Variants in RAB34 observed in about 807,000 individuals in gnomAD.
RAB34 encodes the protein ras-related protein Rab-34.
In RAB34, 33 loss-of-function variants were observed where a neutral mutation model predicts 39.0. The ratio of observed to expected loss-of-function variants is 0.85; its 90% confidence interval spans 0.64 to 1.13. RAB34 has a LOEUF of 1.13. Ranked by LOEUF, RAB34 falls within the 50% of genes most tolerant of loss-of-function variation. The pLI, the probability that RAB34 is intolerant of heterozygous loss-of-function variation, is 0.00. For missense variants in RAB34, 289 were observed against 326.1 expected (o/e 0.89, Z 0.88); for synonymous variants, 135 against 125.1 (o/e 1.08, Z -0.53).
At position 28,717,350 on chromosome 17, in the gene RAB34, A is replaced by G; in HGVS notation, c.-84T>C. 13 of 1,534,232 alleles carry G rather than the reference A, an allele frequency of 8.5e-6. No homozygotes were observed. The highest frequency in any genetic ancestry group is 1.2e-5 in the South Asian group (1 of 84,226). Reference sequence around the variant, plus strand: ...GACCCGGGCGCGTGGAGACCCGACGATCACCCGCGGCCGGGGTGTCCCGAC... The same window carrying G: ...GACCCGGGCGCGTGGAGACCCGACGGTCACCCGCGGCCGGGGTGTCCCGAC... On this transcript the variant is annotated 5_prime_UTR_variant, in exon 1 of 10. Coordinates refer to ENST00000395245, the MANE Select transcript of RAB34 (RefSeq NM_031934.6).
At position 28,717,854 on chromosome 17, in the gene RAB34, C is replaced by G; in HGVS notation, c.-588G>C. 1 of 1,348,124 alleles carries G rather than the reference C, an allele frequency of 7.4e-7. No homozygotes were observed. Among genetic ancestry groups the G allele is most frequent in the Non-Finnish European group, 9.5e-7 (1 of 1,057,608 alleles). 83.5% of individuals were successfully genotyped at this position (1,348,124 alleles called of 1,614,324 possible). A position where few individuals can be genotyped will look rare whatever the true frequency, so the allele number is the denominator to read the frequency against. On this transcript the variant is annotated 5_prime_UTR_variant, in exon 1 of 10. Coordinates refer to ENST00000395245, the MANE Select transcript of RAB34 (RefSeq NM_031934.6). ...GGCCTCGAGTCCCACTCCGCTCGGG[C>G]TCCGCCAACGCTGTAACACGATCCC...
Position 28,714,829 on chromosome 17 carries a change from C to G in RAB34, c.676G>C (p.Glu226Gln). The part of the protein sequence containing the change: ...TFEANVLAEL[E>Q]KSGARRIGDV... ...CCAATGCGTCGAGCCCCCGATTTCT[C>G]CAGCTCAGCCAGCACATTGGCCTCA... Residue 226 changes from glutamate to glutamine, a missense_variant, in exon 9 of 10, where the codon GAG becomes CAG. Glu to Gln is a conservative substitution (Grantham distance 29). Coordinates refer to ENST00000395245, the MANE Select transcript of RAB34 (RefSeq NM_031934.6). 1 of 1,614,180 alleles carries G rather than the reference C, an allele frequency of 6.2e-7. No homozygotes were observed. Among genetic ancestry groups the G allele is most frequent in the Non-Finnish European group, 8.5e-7 (1 of 1,180,040 alleles).
At chr17:28,717,180 T>C (rs1169337157) in intron 1 of RAB34, 33 bp downstream of exon 1, 3 of 1,583,108 alleles carry the variant, frequency 1.9e-6, no homozygotes, top group Admixed American at 3.5e-5. Flanking sequence ...CCCCGGGCTG[T>C]AGACTGAAGC....
rs140500150 is a variant in RAB34 at position 28,716,962 on chromosome 17, G to A, written c.87C>T (p.His29=). 1.5e-3 allele frequency: 2,420 copies of A among 1,613,680 alleles called. 6 individuals carry two copies. Among genetic ancestry groups the A allele is most frequent in the Admixed American group, 2.3e-3 (136 of 60,018 alleles). Residue 29 remains histidine, a synonymous_variant, in exon 2 of 10, where the codon CAC becomes CAT. Coordinates refer to ENST00000395245, the MANE Select transcript of RAB34 (RefSeq NM_031934.6). The part of the protein sequence containing the change: ...CLRKEAALHG[H]KDFHPRVTCA... ...AGGTGACGCGGGGGTGGAAGTCTTT[G>A]TGCCCGTGCAAAGCGGCCTCCTTCC... is the stretch of plus-strand genomic sequence containing the variant.
Position 28,714,867 on chromosome 17 carries a change from G to C in RAB34, c.638C>G (p.Ala213Gly), listed in dbSNP as rs377233779. The change falls in exon 9 of 10, where the codon GCA becomes GGA. Residue 213 changes from alanine to glycine, a missense_variant. Physicochemically the swap from Ala to Gly is moderately conservative, Grantham distance 60 (BLOSUM62 0). Coordinates refer to ENST00000395245, the MANE Select transcript of RAB34 (RefSeq NM_031934.6). ...CACATTGGCCTCAAAGGTCAGTGCT[G>C]CCACACGGAAGAAGAATTCTCGGAC... ...ENVREFFFRV[A>G]ALTFEANVLA... is the part of the protein sequence containing the mutation. 49 of 1,614,006 alleles carry C rather than the reference G, an allele frequency of 3.0e-5. No individual in the cohort carries two copies. The highest frequency in any genetic ancestry group is 4.0e-5 in the Non-Finnish European group (47 of 1,180,028).
At chr17:28,718,021 G>C, upstream of RAB34, 1 of 1,144,582 alleles carries the variant, frequency 8.7e-7, no homozygotes, top group Non-Finnish European at 1.1e-6. Flanking sequence ...CCGGGCACCA[G>C]GACCGCCCCG....
chr17:28,716,246 G>A (rs1327707068), intron 2 of RAB34, 188 bp from the exon 3 acceptor site: 22 of 689,496 alleles, frequency 3.2e-5, no homozygotes. Context: ...TCCAGAAGCA[G>A]AGAGACATGA....
chr17:28,715,299 A>C lies in RAB34; in HGVS notation c.432-23T>G. The C allele has an allele frequency of 6.2e-7, 1 of 1,608,964 alleles. No individual in the cohort carries two copies. Among genetic ancestry groups the C allele is most frequent in the Non-Finnish European group, 8.5e-7 (1 of 1,177,364 alleles). ...TGCCTGCCATGGGAGGTGGAAAGTA[A>C]GGGATGAGTGAGTCTGCAGGGCCCC... is the stretch of plus-strand genomic sequence containing the variant. On this transcript the variant is annotated intron_variant, in intron 6 of 9. Transcript: ENST00000395245.
Position 28,716,958 on chromosome 17 carries a change from C to G in RAB34, c.91G>C (p.Asp31His). The change falls in exon 2 of 10, where the codon GAC becomes CAC. Residue 31 changes from aspartate (D) to histidine (H), a missense_variant. Coordinates refer to ENST00000395245, the MANE Select transcript of RAB34 (RefSeq NM_031934.6). ...GCGCAGGTGACGCGGGGGTGGAAGT[C>G]TTTGTGCCCGTGCAAAGCGGCCTCC... ...RKEAALHGHK[D>H]FHPRVTCACQ... The G allele has an allele frequency of 6.8e-6, 11 of 1,613,664 alleles. No homozygotes were observed. Among genetic ancestry groups the G allele is most frequent in the Non-Finnish European group, 9.3e-6 (11 of 1,179,934 alleles).
chr17:28,714,951 A>T (rs1352761093), intron 8 of RAB34, 51 bp from the exon 9 acceptor site: 7 of 1,595,244 alleles, frequency 4.4e-6, no homozygotes, highest in Non-Finnish European at 6.0e-6. Flanking sequence ...GTCTGGGGAC[A>T]CAGGGCACAG....
In RAB34 at chr17:28,715,180, C is replaced by T; in HGVS notation, c.513+15G>A. On this transcript the variant is annotated intron_variant, in intron 7 of 9. Coordinates refer to ENST00000395245, the MANE Select transcript of RAB34 (RefSeq NM_031934.6). ...CCCTCACCAAGCTGGGAAGTCCCCCCACTGGCACACTCACACTCAGATCCT... is the reference window on the plus strand; with the variant it reads ...CCCTCACCAAGCTGGGAAGTCCCCCTACTGGCACACTCACACTCAGATCCT... 6.2e-7 allele frequency: 1 copy of T among 1,613,964 alleles called. No individual in the cohort carries two copies. The highest frequency in any genetic ancestry group is 8.5e-7 in the Non-Finnish European group (1 of 1,179,862).
chr17:28,717,910 C>A, upstream of RAB34: 1 of 1,352,134 alleles, frequency 7.4e-7, no homozygotes, highest in Non-Finnish European at 9.4e-7. Flanking sequence ...CCGCCCCCCG[C>A]CCCTCTCCTG....
chr17:28,718,198 A>C, upstream of RAB34: 2 of 1,606,154 alleles, frequency 1.2e-6, no homozygotes, highest in Non-Finnish European at 1.7e-6. Context: ...GGGAGGGGAA[A>C]GGGGGAGAGA....
At position 28,717,244 on chromosome 17, in the gene RAB34, CG is replaced by C. The variant is rs1244378225; in HGVS notation, c.22del (p.Arg8GlyfsTer13). On this transcript the variant is annotated frameshift_variant, in exon 1 of 10. Transcript: ENST00000395245. LOFTEE classifies it high-confidence loss of function. MNILAPV[R>X]RDRVLAELPQ... The stretch of plus-strand genomic sequence containing the variant: ...CAGCTCCGCCAGGACGCGATCCCTC[CG>C]CACGGGTGCCAGAATGTTCATCCTG... The C allele has an allele frequency of 3.7e-6, 6 of 1,606,194 alleles. No homozygotes were observed. Among genetic ancestry groups the C allele is most frequent in the Non-Finnish European group, 5.1e-6 (6 of 1,178,650 alleles).
rs1224294566 is a variant in RAB34, at chr17:28,717,712, A to AGAGCGGCCCGGGGGCGCG, written c.-464_-447dup. ...GGGGCTGAGGCTGCCCTACCATTAC[A>AGAGCGGCCCGGGGGCGCG]GAGCGGCCCGGGGGCGCGGAGCGGC... is the stretch of plus-strand genomic sequence containing the variant. On this transcript the variant is annotated 5_prime_UTR_variant, in exon 1 of 10. Coordinates refer to ENST00000395245, the MANE Select transcript of RAB34 (RefSeq NM_031934.6). The AGAGCGGCCCGGGGGCGCG allele has an allele frequency of 2.2e-5, 29 of 1,341,442 alleles. No homozygotes were observed. In the East Asian group the frequency reaches 3.6e-4, roughly 17 times the overall value. 83.1% of individuals were successfully genotyped at this position (1,341,442 alleles called of 1,614,324 possible).
Position 28,717,681 on chromosome 17 carries a change from C to T in RAB34, c.-415G>A, listed in dbSNP as rs930995345. 3 of 1,361,954 alleles carry T rather than the reference C, an allele frequency of 2.2e-6. No individual in the cohort carries two copies. The highest frequency in any genetic ancestry group is 2.8e-6 in the Non-Finnish European group (3 of 1,062,680). 84.4% of individuals were successfully genotyped at this position (1,361,954 alleles called of 1,614,324 possible). A position where few individuals can be genotyped will look rare whatever the true frequency, so the allele number is the denominator to read the frequency against. Reference sequence around the variant, plus strand: ...ACCCGGGGCCGCGGAGACCCGACGTCATCTCGGGGCTGAGGCTGCCCTACC... The same window carrying T: ...ACCCGGGGCCGCGGAGACCCGACGTTATCTCGGGGCTGAGGCTGCCCTACC... On this transcript the variant is annotated 5_prime_UTR_variant, in exon 1 of 10. An upstream start codon of the reference 5' UTR is lost. Coordinates refer to ENST00000395245, the MANE Select transcript of RAB34 (RefSeq NM_031934.6).
Position 28,717,224 on chromosome 17 carries a change from C to G in RAB34, c.43G>C (p.Glu15Gln). The G allele has an allele frequency of 6.2e-7, 1 of 1,604,876 alleles. No individual in the cohort carries two copies. The highest frequency in any genetic ancestry group is 1.3e-5 in the African/African-American group (1 of 74,918). The part of the protein sequence containing the change: ...APVRRDRVLA[E>Q]LPQCLRKEAA... ...GCCCCGGCGCCTACCTGGGGCAGCT[C>G]CGCCAGGACGCGATCCCTCCGCACG... is the stretch of plus-strand genomic sequence containing the variant. The change falls in exon 1 of 10, where the codon GAG becomes CAG. Residue 15 changes from glutamate (E) to glutamine (Q), a missense_variant. Glu to Gln is a conservative substitution (Grantham distance 29). Transcript: ENST00000395245.
At chr17:28,718,310 G>T, upstream of RAB34, 1 of 1,507,592 alleles carries the variant, frequency 6.6e-7, no homozygotes, top group Non-Finnish European at 8.9e-7. Flanking sequence ...GAGGTCGGGG[G>T]TGAGGATGGT....
Position 28,717,681 on chromosome 17 carries a change from C to G in RAB34, c.-415G>C, listed in dbSNP as rs930995345. On this transcript the variant is annotated 5_prime_UTR_variant, in exon 1 of 10. The change abolishes an upstream ATG in the 5' untranslated region. Coordinates refer to ENST00000395245, the MANE Select transcript of RAB34 (RefSeq NM_031934.6). ...ACCCGGGGCCGCGGAGACCCGACGT[C>G]ATCTCGGGGCTGAGGCTGCCCTACC... The G allele has an allele frequency of 4.3e-5, 59 of 1,361,836 alleles. No individual in the cohort carries two copies. Among genetic ancestry groups the G allele is most frequent in the Non-Finnish European group, 5.5e-5 (58 of 1,062,688 alleles). The allele number at this position is 1,361,836 out of a possible 1,614,324, so 84.4% of individuals were successfully genotyped here. A position where few individuals can be genotyped will look rare whatever the true frequency, so the allele number is the denominator to read the frequency against.
Sources: gnomAD v4.1 joint callset for allele counts on GRCh38, gnomAD v4.1.1 for gene constraint, MANE v1.5 for transcripts, NCBI Gene and HGNC (gene_info 2026-07-23, HGNC 2026-07-21) for gene names.